SETDB2: variants seen among roughly 807,000 people sequenced by gnomAD.
SETDB2 encodes the protein histone-lysine N-methyltransferase SETDB2.
A neutral mutation model predicts 82.5 loss-of-function variants in SETDB2; 56 were observed. That is an observed-to-expected ratio of 0.68 (90% CI 0.55 to 0.85). The LOEUF is 0.85. Ranked by LOEUF, SETDB2 falls within the 40% of genes least tolerant of loss-of-function variation. The probability of loss-of-function intolerance (pLI) is 0.00; values close to 1 mark genes in which losing one functional copy is unlikely to be tolerated. For synonymous variants in SETDB2, 272 were observed against 284.9 expected, an observed-to-expected ratio of 0.95 and a Z score of 0.46; for missense variants, 677 against 816.4, an observed-to-expected ratio of 0.83 and a Z score of 2.08.
chr13:49,471,242 G>T (rs918680544), intron 5 of SETDB2, among the ~76,000 whole-genome samples: 1 of 151,552 alleles, frequency 6.6e-6, no homozygotes, highest in Non-Finnish European at 1.5e-5. Context: ...TTCCCAAAGT[G>T]CTGGGATTAC....
At chr13:49,471,913 CATATAT>C (rs1232849321) in intron 5 of SETDB2, among the ~76,000 whole-genome samples, 27 of 107,720 alleles carry the variant, frequency 2.5e-4, no homozygotes, top group African/African-American at 8.1e-4. Context: ...TCTCATGTGA[CATATAT>C]ATATATATAT....
intron 5 of SETDB2, among the ~76,000 whole-genome samples, chr13:49,476,070 T>C (rs1004183515): frequency 6.6e-6 from 1 of 152,206 alleles, no homozygotes; most frequent in African/African-American, 2.4e-5. Context: ...CTAAATTTGC[T>C]AGGTGCTATG....
intron 1 of SETDB2, among the ~76,000 whole-genome samples, chr13:49,448,099 T>C (rs942945064): frequency 1.2e-4 from 18 of 152,180 alleles, no homozygotes; most frequent in Non-Finnish European, 2.2e-4. Flanking sequence ...ATCTATTCTT[T>C]GAAAGTTTTG....
In SETDB2 at chr13:49,480,999, C is replaced by A. The variant is rs752831641; in HGVS notation, c.1039C>A (p.Arg347=). 1.2e-6 allele frequency: 2 copies of A among 1,614,092 alleles called. No individual in the cohort carries two copies. The highest frequency in any genetic ancestry group is 1.1e-5 in the South Asian group (1 of 91,074). ...CKCNRQLCQN[R]VVQHGPQVRL... ...ATGTAATCGACAATTGTGTCAAAAC[C>A]GAGTTGTCCAACATGGTCCTCAAGT... Residue 347 remains arginine, a synonymous_variant, in exon 8 of 14, where the codon CGA becomes AGA. Coordinates refer to ENST00000611815, the MANE Select transcript of SETDB2 (RefSeq NM_001160308.3).
intron 5 of SETDB2, among the ~76,000 whole-genome samples, chr13:49,471,319 A>G (rs1393994542): frequency 6.6e-6 from 1 of 151,892 alleles, no homozygotes; most frequent in South Asian, 2.1e-4. Context: ...ACTCCACATA[A>G]GTGAGTTATG....
chr13:49,445,161 G>T (rs1957637612), intron 1 of SETDB2, among the ~76,000 whole-genome samples: 1 of 152,112 alleles, frequency 6.6e-6, no homozygotes, highest in Admixed American at 6.5e-5. Flanking sequence ...TTACGGTATG[G>T]CATTCCTTAG....
Position 49,494,318 on chromosome 13 carries a change from T to C in SETDB2, c.*2469T>C, listed in dbSNP as rs1958765652. 6.6e-6 allele frequency: 1 copy of C among 152,238 alleles called. No individual in the cohort carries two copies. Among genetic ancestry groups the C allele is most frequent in the African/African-American group, 2.4e-5 (1 of 41,462 alleles). The allele number at this position is 152,238 out of a possible 1,614,324, so 9.4% of individuals were successfully genotyped here. On this transcript the variant is annotated 3_prime_UTR_variant, in exon 14 of 14. Transcript: ENST00000611815. ...GTATGTATATGCACACACGTATACA[T>C]ACACATACAGGCATGCATCTCTGTA...
At chr13:49,485,069 A>C (rs1318092261) in intron 10 of SETDB2, among the ~76,000 whole-genome samples, 1 of 152,268 alleles carries the variant, frequency 6.6e-6, no homozygotes. Flanking sequence ...GACCATTCAC[A>C]TGCTGAGAAC....
chr13:49,486,964 A>G (rs1958609304), intron 11 of SETDB2, among the ~76,000 whole-genome samples: 1 of 152,306 alleles, frequency 6.6e-6, no homozygotes, highest in Admixed American at 6.5e-5. Flanking sequence ...AGGTCTATCA[A>G]AAAAGGGGAT....
At chr13:49,469,330 C>G (rs1006580238) in intron 5 of SETDB2, among the ~76,000 whole-genome samples, 1 of 152,184 alleles carries the variant, frequency 6.6e-6, no homozygotes, top group Non-Finnish European at 1.5e-5. Context: ...ACTGTTGTCC[C>G]GCCTACACTT....
chr13:49,481,025 G>A lies in SETDB2; in HGVS notation c.1065G>A (p.Val355=), dbSNP rs752046321. 1.9e-6 allele frequency: 3 copies of A among 1,614,202 alleles called. No homozygotes were observed. In the South Asian group the frequency reaches 3.3e-5, roughly 18 times the overall value. ...QNRVVQHGPQ[V]RLQVFKTEQK... ...GAGTTGTCCAACATGGTCCTCAAGTGAGGTTACAGGTGTTCAAAACTGAGC... is the reference window on the plus strand; with the variant it reads ...GAGTTGTCCAACATGGTCCTCAAGTAAGGTTACAGGTGTTCAAAACTGAGC... Residue 355 remains valine (V), a synonymous_variant, in exon 8 of 14, where the codon GTG becomes GTA. Transcript: ENST00000611815.
intron 10 of SETDB2, among the ~76,000 whole-genome samples, chr13:49,485,310 A>G (rs879174421): frequency 2.6e-5 from 4 of 152,226 alleles, no homozygotes; most frequent in African/African-American, 9.6e-5. Context: ...ATAATCTAGT[A>G]ATAACACTTT....
At chr13:49,451,505 A>G (rs1048718510) in intron 1 of SETDB2, 48 bp from the exon 2 acceptor site, 7 of 132,382 alleles carry the variant, frequency 5.3e-5, no homozygotes, top group African/African-American at 1.1e-4. Context: ...ATATATATAT[A>G]TGTGGTCCTT....
intron 4 of SETDB2, among the ~76,000 whole-genome samples, chr13:49,462,748 C>A (rs1023202326): frequency 6.6e-6 from 1 of 152,178 alleles, no homozygotes; most frequent in Non-Finnish European, 1.5e-5. Context: ...GCTTTTAAAT[C>A]TCTGAAAATA....
At position 49,476,572 on chromosome 13, in the gene SETDB2, C is replaced by T; in HGVS notation, c.402C>T (p.Asp134=). ...SSSNLSYQSH[D]CSGACLMKMP... ...CGAATTTATCTTACCAAAGTCATGA[C>T]TGCTCTGGTGCTTGTCTGATGAAAA... is the stretch of plus-strand genomic sequence containing the variant. The change falls in exon 6 of 14, where the codon GAC becomes GAT. Residue 134 remains aspartate (D), a synonymous_variant. Coordinates refer to ENST00000611815, the MANE Select transcript of SETDB2 (RefSeq NM_001160308.3). The T allele has an allele frequency of 6.2e-7, 1 of 1,614,120 alleles. No individual in the cohort carries two copies. The highest frequency in any genetic ancestry group is 8.5e-7 in the Non-Finnish European group (1 of 1,179,984).
chr13:49,474,641 C>T (rs779689792), intron 5 of SETDB2, among the ~76,000 whole-genome samples: 1 of 152,208 alleles, frequency 6.6e-6, no homozygotes, highest in African/African-American at 2.4e-5. Flanking sequence ...TGTAAGTTAA[C>T]TAGTCCATTA....
chr13:49,488,371 G>C lies in SETDB2; in HGVS notation c.1658G>C (p.Arg553Thr). 1.9e-6 allele frequency: 3 copies of C among 1,612,364 alleles called. No individual in the cohort carries two copies. Among genetic ancestry groups the C allele is most frequent in the South Asian group, 2.2e-5 (2 of 90,594 alleles). The change falls in exon 12 of 14, where the codon AGA becomes ACA. Residue 553 changes from arginine (R) to threonine (T), a missense_variant. Around this residue, in one of 3 missense-constraint regions of SETDB2, gnomAD observed 420 missense variants for 554.6 expected, o/e 0.76. Coordinates refer to ENST00000611815, the MANE Select transcript of SETDB2 (RefSeq NM_001160308.3). ...ESDVIDITKY[R>T]EETPPRSRCN... ...GATGTGATAGATATAACTAAATATA[G>C]AGAAGAAACTCCACCAAGGAGCAGA... is the stretch of plus-strand genomic sequence containing the variant.
intron 1 of SETDB2, among the ~76,000 whole-genome samples, chr13:49,447,342 A>T (rs1251258573): frequency 6.6e-6 from 1 of 152,040 alleles, no homozygotes; most frequent in African/African-American, 2.4e-5. Context: ...TGTTCTACAG[A>T]TGGATTTTCC....
intron 6 of SETDB2, among the ~76,000 whole-genome samples, chr13:49,479,085 A>T (rs1438644199): frequency 6.6e-6 from 1 of 152,212 alleles, no homozygotes; most frequent in Non-Finnish European, 1.5e-5. Context: ...CCTATAGTAA[A>T]TTTTTTATAA....
Sources: gnomAD v4.1 joint callset for allele counts (sites outside exome capture counted in the v4.1 genomes callset) on GRCh38, gnomAD v4.1.1 for gene constraint, gnomAD v4.1.1 regional missense constraint, MANE v1.5 for transcripts, NCBI Gene and HGNC (gene_info 2026-07-23, HGNC 2026-07-21) for gene names.